Variants in USE1 observed in about 807,000 individuals in gnomAD.
USE1 encodes the protein unconventional SNARE in the ER 1.
A neutral mutation model predicts 37.6 loss-of-function variants in USE1; 32 were observed. That is an observed-to-expected ratio of 0.85 (90% CI 0.64 to 1.14). The LOEUF is 1.14. Ranked by LOEUF, USE1 falls within the 50% of genes most tolerant of loss-of-function variation. USE1 has a pLI of 0.00. For synonymous variants in USE1, 149 were observed against 137.6 expected (o/e 1.08, Z -0.58); for missense variants, 310 against 332.2 (o/e 0.93, Z 0.52).
intron 5 of USE1, 72 bp downstream of exon 5, chr19:17,217,534 G>C: frequency 6.3e-7 from 1 of 1,576,138 alleles, no homozygotes; most frequent in Admixed American, 1.8e-5. Context: ...TTGCTGCCCC[G>C]GGGCCTCCAT....
rs1006849955 is a variant in USE1 at position 17,217,457 on chromosome 19, C to G, written c.389C>G (p.Ser130Cys). Residue 130 changes from serine to cysteine, a missense_variant, in exon 5 of 8, where the codon TCT becomes TGT. Ser to Cys is a moderately radical substitution (Grantham distance 112, BLOSUM62 -1). Coordinates refer to ENST00000263897, the MANE Select transcript of USE1 (RefSeq NM_018467.4). ...EMRSELLGTD[S>C]AEPEMDVRKR... ...GCCACTTACTTCTTTCCACAGGACT[C>G]TGCAGGTGAGTCACCATGAACACAA... is the stretch of plus-strand genomic sequence containing the variant. The G allele has an allele frequency of 2.5e-6, 4 of 1,611,440 alleles. No homozygotes were observed. Among genetic ancestry groups the G allele is most frequent in the Non-Finnish European group, 3.4e-6 (4 of 1,178,644 alleles).
At position 17,218,398 on chromosome 19, in the gene USE1, G is replaced by A. The variant is rs747423039; in HGVS notation, c.422+7G>A. ...TGGACGTAAGGAAGAGAACGTGAGTGTCTGCGGCCCTGGGGCAGTAGTGGC... is the reference window on the plus strand; with the variant it reads ...TGGACGTAAGGAAGAGAACGTGAGTATCTGCGGCCCTGGGGCAGTAGTGGC... On this transcript the variant is annotated splice_region_variant and intron_variant, in intron 6 of 7. Transcript: ENST00000263897. The A allele has an allele frequency of 1.2e-6, 2 of 1,613,670 alleles. No individual in the cohort carries two copies. The highest frequency in any genetic ancestry group is 2.2e-5 in the South Asian group (2 of 91,076).
Position 17,215,378 on chromosome 19 carries a change from G to A in USE1, c.-28G>A, listed in dbSNP as rs1358117401. On this transcript the variant is annotated 5_prime_UTR_variant, in exon 1 of 8. Coordinates refer to ENST00000263897, the MANE Select transcript of USE1 (RefSeq NM_018467.4). ...CGCCCTCTCTTAACATGGAGCCGGC[G>A]GAAGGGGTGGTGTAGGGCCGGGCGA... The A allele has an allele frequency of 3.2e-6, 5 of 1,547,524 alleles. No individual in the cohort carries two copies. Among genetic ancestry groups the A allele is most frequent in the East Asian group, 2.4e-5 (1 of 40,980 alleles).
In USE1 at chr19:17,219,631, A is replaced by AC. The variant is rs1211483398; in HGVS notation, c.601dup (p.Leu201ProfsTer47). On this transcript the variant is annotated frameshift_variant and splice_region_variant, in exon 8 of 8. Coordinates refer to ENST00000263897, the MANE Select transcript of USE1 (RefSeq NM_018467.4). LOFTEE classifies it high-confidence loss of function. ...GACACCTTTTCCACCTCCCCCACAG[A>AC]CCCTGTCACACTCACTGAAAATGGC... The AC allele has an allele frequency of 6.3e-7, 1 of 1,597,990 alleles. No homozygotes were observed. Among genetic ancestry groups the AC allele is most frequent in the Non-Finnish European group, 8.6e-7 (1 of 1,168,628 alleles).
intron 1 of USE1, 44 bp from the exon 2 acceptor site, chr19:17,215,758 A>G (rs388484): frequency 3.8e-5 from 53 of 1,385,904 alleles, no homozygotes; most frequent in Non-Finnish European, 5.1e-5. Flanking sequence ...CATGATCAGG[A>G]CATGGGAAAG....
chr19:17,216,031 G>A lies in USE1; in HGVS notation c.192G>A (p.Lys64=). The A allele has an allele frequency of 1.9e-6, 3 of 1,610,752 alleles. No individual in the cohort carries two copies. The highest frequency in any genetic ancestry group is 1.1e-5 in the South Asian group (1 of 90,648). Residue 64 remains lysine, a synonymous_variant, in exon 3 of 8, where the codon AAG becomes AAA. Transcript: ENST00000263897. The part of the protein sequence containing the change: ...ASEVINEYSW[K]VDFLKGMLQA... ...AGGTGATCAATGAATATTCCTGGAA[G>A]GTGGATTTTCTGAAGGGGATGCTGC...
intron 4 of USE1, 148 bp downstream of exon 4, chr19:17,216,469 C>A (rs1304290821): frequency 4.4e-6 from 5 of 1,132,756 alleles, no homozygotes; most frequent in Non-Finnish European, 6.1e-6. Flanking sequence ...CAAGGCTGCC[C>A]AACAGAGGGG....
At chr19:17,219,468 G>T in intron 7 of USE1, 81 bp downstream of exon 7, 1 of 1,465,830 alleles carries the variant, frequency 6.8e-7, no homozygotes, top group Non-Finnish European at 9.1e-7. Context: ...TTGTGGCTGG[G>T]GCTTTGCGGG....
intron 4 of USE1, 142 bp downstream of exon 4, chr19:17,216,463 G>T: frequency 8.2e-7 from 1 of 1,220,364 alleles, no homozygotes; most frequent in Non-Finnish European, 1.1e-6. Flanking sequence ...ATCACACAAG[G>T]CTGCCCAACA....
intron 6 of USE1, chr19:17,218,618 G>T (rs2073304921): frequency 2.1e-6 from 1 of 484,202 alleles, no homozygotes; most frequent in East Asian, 3.8e-5. Context: ...CTGAGGCCAG[G>T]AGTTCAAGAC....
Position 17,219,392 on chromosome 19 carries a change from G to A in USE1, c.597+5G>A. ...GTCATCAAGAAGGACAACCAGGTGT[G>A]GGGACTGGGGGAGCTCTCCAGCCTC... On this transcript the variant is annotated splice_donor_5th_base_variant and intron_variant, in intron 7 of 7. Coordinates refer to ENST00000263897, the MANE Select transcript of USE1 (RefSeq NM_018467.4). The A allele has an allele frequency of 6.4e-7, 1 of 1,550,670 alleles. No individual in the cohort carries two copies. The highest frequency in any genetic ancestry group is 8.7e-7 in the Non-Finnish European group (1 of 1,145,854).
Position 17,216,012 on chromosome 19 carries a change from T to G in USE1, c.173T>G (p.Ile58Ser), listed in dbSNP as rs1339758824. 1.2e-5 allele frequency: 19 copies of G among 1,607,952 alleles called. No homozygotes were observed. Among genetic ancestry groups the G allele is most frequent in the Non-Finnish European group, 1.5e-5 (18 of 1,177,316 alleles). ...VHASKPASEV[I>S]NEYSWKVDFL... ...TCCAGCAAACCGGCCTCTGAGGTGATCAATGAATATTCCTGGAAGGTGGAT... is the reference window on the plus strand; with the variant it reads ...TCCAGCAAACCGGCCTCTGAGGTGAGCAATGAATATTCCTGGAAGGTGGAT... The change falls in exon 3 of 8, where the codon ATC (isoleucine) becomes AGC (serine). Residue 58 changes from isoleucine (I) to serine (S), a missense_variant. Coordinates refer to ENST00000263897, the MANE Select transcript of USE1 (RefSeq NM_018467.4).
rs1222206617 is a variant in USE1 at position 17,219,448 on chromosome 19, C to T, written c.597+61C>T. 2.7e-6 allele frequency: 4 copies of T among 1,494,490 alleles called. 1 individual carries two copies. Among genetic ancestry groups the T allele is most frequent in the Non-Finnish European group, 9.0e-7 (1 of 1,110,862 alleles). 92.6% of individuals were successfully genotyped at this position (1,494,490 alleles called of 1,614,324 possible). Reference sequence around the variant, plus strand: ...TGGGGCATCAGAGAAGGCTTCCCAGCACAGGAGCATTGTGGCTGGGGCTTT... The same window carrying T: ...TGGGGCATCAGAGAAGGCTTCCCAGTACAGGAGCATTGTGGCTGGGGCTTT... On this transcript the variant is annotated intron_variant, in intron 7 of 7. Coordinates refer to ENST00000263897, the MANE Select transcript of USE1 (RefSeq NM_018467.4).
chr19:17,218,529 T>G, intron 6 of USE1, 138 bp downstream of exon 6: 3 of 1,147,960 alleles, frequency 2.6e-6, no homozygotes, highest in Non-Finnish European at 3.6e-6. Context: ...GTGGATGCTC[T>G]TCCCAGAAGT....
At chr19:17,215,591 G>A (rs565705127) in intron 1 of USE1, 84 bp downstream of exon 1, 3 of 1,479,022 alleles carry the variant, frequency 2.0e-6, no homozygotes, top group South Asian at 2.5e-5. Flanking sequence ...CCGACTCCCC[G>A]GCCCCAGTAG....
chr19:17,217,565 C>T (rs2073298408), intron 5 of USE1, 103 bp downstream of exon 5: 1 of 1,491,476 alleles, frequency 6.7e-7, no homozygotes, highest in Non-Finnish European at 9.1e-7. Context: ...CATGCCCTGA[C>T]TCCAACAGGA....
intron 3 of USE1, 31 bp downstream of exon 3, chr19:17,216,101 C>T (rs773165632): frequency 1.9e-6 from 3 of 1,613,520 alleles, no homozygotes; most frequent in Admixed American, 3.3e-5. Flanking sequence ...CCCCTCAGCC[C>T]CCATCACCGC....
intron 5 of USE1, chr19:17,217,714 C>T: frequency 3.8e-6 from 2 of 531,822 alleles, no homozygotes; most frequent in South Asian, 3.1e-5. Context: ...GAGTTTGAGA[C>T]CAACCTGGCC....
chr19:17,216,963 A>G (rs1024583912), intron 4 of USE1, among the ~76,000 whole-genome samples: 11 of 151,250 alleles, frequency 7.3e-5, no homozygotes, highest in African/African-American at 9.7e-5. Flanking sequence ...GGGCAATAAG[A>G]GTGAAACTCC....
Sources: allele counts gnomAD v4.1 joint callset (sites outside exome capture counted in the v4.1 genomes callset), GRCh38; gene constraint gnomAD v4.1.1; transcripts MANE v1.5; gene names NCBI Gene and HGNC (gene_info 2026-07-23, HGNC 2026-07-21).